The following AGO3 variants were observed in gnomAD, a reference collection of about 807,000 sequenced individuals.
AGO3 encodes argonaute RISC catalytic component 3, also known as protein argonaute-3.
A neutral mutation model predicts 105.5 loss-of-function variants in AGO3; 16 were observed. The observed-to-expected ratio is 0.15, with a 90% CI of 0.10 to 0.23. The LOEUF (loss-of-function observed/expected upper bound fraction) is 0.23, where lower values mean the gene tolerates loss of function less well. AGO3 is among the 10% of genes least tolerant of loss of function. The pLI is 1.00. For missense variants in AGO3, 534 were observed against 1,088.0 expected (o/e 0.49, Z 7.16); for synonymous variants, 340 against 367.3 (o/e 0.93, Z 0.85).
intron 5 of AGO3, among the ~76,000 whole-genome samples, chr1:35,986,122 G>T (rs1159628636): frequency 6.6e-6 from 1 of 152,204 alleles, no homozygotes; most frequent in Admixed American, 6.5e-5. Context: ...CACATTGTTT[G>T]TAGTAGTACC....
rs773487572 is a variant in AGO3, at chr1:35,961,295, C to T, written c.192-5660C>T. ...ATTAAATTTTACTATAAGAGGGTATCGCGGATATTTCATTTTAATCTTAAA... is the reference window on the plus strand; with the variant it reads ...ATTAAATTTTACTATAAGAGGGTATTGCGGATATTTCATTTTAATCTTAAA... On this transcript the variant is annotated intron_variant, in intron 2 of 18. Coordinates refer to ENST00000373191, the MANE Select transcript of AGO3 (RefSeq NM_024852.4). Among the ~76,000 whole-genome samples the T allele has an allele frequency of 2.6e-5, 4 of 152,040 alleles. No individual in the cohort carries two copies. In the South Asian group the frequency reaches 6.2e-4, roughly 24 times the overall value.
Position 35,986,701 on chromosome 1 carries a change from GA to G in AGO3, c.658+13200del, listed in dbSNP as rs950441826. On this transcript the variant is annotated intron_variant, in intron 5 of 18. Transcript: ENST00000373191. ...AGACTCTGCCTCAGAAAAGAAAAAAGAAAAAAAAAATGGGCTGGGCCTAGTG... is the reference window on the plus strand; with the variant it reads ...AGACTCTGCCTCAGAAAAGAAAAAAGAAAAAAAAATGGGCTGGGCCTAGTG... Among the ~76,000 whole-genome samples, 26 of 141,246 alleles carry G rather than the reference GA, an allele frequency of 1.8e-4. 1 individual carries two copies. The highest frequency in any genetic ancestry group is 1.2e-3 in the Admixed American group (17 of 13,966). The allele number at this position is 141,246 out of a possible 152,430, so 92.7% of individuals were successfully genotyped here.
At chr1:35,957,554 C>T (rs1006006043) in intron 2 of AGO3, among the ~76,000 whole-genome samples, 4 of 151,808 alleles carry the variant, frequency 2.6e-5, no homozygotes, top group East Asian at 3.9e-4. Context: ...GGTGAAACCC[C>T]GTCTCTACTA....
At chr1:36,007,176 C>T (rs1029273451) in intron 6 of AGO3, among the ~76,000 whole-genome samples, 1 of 152,124 alleles carries the variant, frequency 6.6e-6, no homozygotes, top group Non-Finnish European at 1.5e-5. Context: ...AGAACCACTG[C>T]AGTATAGGAA....
rs1195179317 is a variant in AGO3, at chr1:36,036,181, T to C, written c.1756T>C (p.Ser586Pro). ...NNILVPHQRPSVFQQPVIFLG... is the reference protein window; with the variant it reads ...NNILVPHQRPPVFQQPVIFLG... ...CTTTTTCAAAATGTGTTTAAGACCT[T>C]CTGTGTTCCAGCAACCAGTGATCTT... Residue 586 changes from serine to proline, a missense_variant, in exon 14 of 19, where the codon TCT becomes CCT. Coordinates refer to ENST00000373191, the MANE Select transcript of AGO3 (RefSeq NM_024852.4). The C allele has an allele frequency of 6.2e-7, 1 of 1,613,946 alleles. No homozygotes were observed. The highest frequency in any genetic ancestry group is 8.5e-7 in the Non-Finnish European group (1 of 1,179,930).
At chr1:35,995,133 A>T (rs560671602) in intron 5 of AGO3, among the ~76,000 whole-genome samples, 2 of 150,782 alleles carry the variant, frequency 1.3e-5, no homozygotes, top group African/African-American at 4.9e-5. Context: ...CCCGGGAAGC[A>T]GAGGTTGCAG....
In AGO3 at chr1:35,996,466, A is replaced by G. The variant is rs1030183671; in HGVS notation, c.659-7875A>G. Among the ~76,000 whole-genome samples, 9 of 152,128 alleles carry G rather than the reference A, an allele frequency of 5.9e-5. No homozygotes were observed. In the Middle Eastern group the frequency reaches 0.01, roughly 172 times the overall value. ...GAAAAAAAGTAGTAGTAAAAATCACATACTTCACAAAAGAATATGTGTGGT... is the reference window on the plus strand; with the variant it reads ...GAAAAAAAGTAGTAGTAAAAATCACGTACTTCACAAAAGAATATGTGTGGT... On this transcript the variant is annotated intron_variant, in intron 5 of 18. Coordinates refer to ENST00000373191, the MANE Select transcript of AGO3 (RefSeq NM_024852.4).
intron 4 of AGO3, among the ~76,000 whole-genome samples, chr1:35,972,679 TTTGG>T (rs1051012776): frequency 2.0e-5 from 3 of 152,000 alleles, no homozygotes; most frequent in East Asian, 3.9e-4. Context: ...TTTTTTATTG[TTTGG>T]TTGGGTTTTT....
rs1405642283 is a variant in AGO3 at position 36,065,317 on chromosome 1, A to T, written c.*9572A>T. 1.3e-5 allele frequency: 2 copies of T among 152,052 alleles called. No individual in the cohort carries two copies. The highest frequency in any genetic ancestry group is 4.1e-4 in the South Asian group (2 of 4,828). 9.4% of individuals were successfully genotyped at this position (152,052 alleles called of 1,614,324 possible). On this transcript the variant is annotated 3_prime_UTR_variant, in exon 19 of 19. Transcript: ENST00000373191. ...AGTTCCTGAAAACCAACATTTTAAAAGTTGCCTCTGGGCTGGGCATGGTGG... is the reference window on the plus strand; with the variant it reads ...AGTTCCTGAAAACCAACATTTTAAATGTTGCCTCTGGGCTGGGCATGGTGG...
In AGO3 at chr1:36,061,292, G is replaced by A. The variant is rs1303268942; in HGVS notation, c.*5547G>A. 3 of 152,036 alleles carry A rather than the reference G, an allele frequency of 2.0e-5. No individual in the cohort carries two copies. Among genetic ancestry groups the A allele is most frequent in the Non-Finnish European group, 4.4e-5 (3 of 68,018 alleles). 9.4% of individuals were successfully genotyped at this position (152,036 alleles called of 1,614,324 possible). A position where few individuals can be genotyped will look rare whatever the true frequency, so the allele number is the denominator to read the frequency against. ...CCTACTTTTAAAATGGTACATTTAA[G>A]TTTATAATTTTCCATGTCAGTCAAC... is the stretch of plus-strand genomic sequence containing the variant. On this transcript the variant is annotated 3_prime_UTR_variant, in exon 19 of 19. Transcript: ENST00000373191.
At chr1:35,990,456 C>G (rs1647525508) in intron 5 of AGO3, among the ~76,000 whole-genome samples, 1 of 152,062 alleles carries the variant, frequency 6.6e-6, no homozygotes, top group African/African-American at 2.4e-5. Flanking sequence ...TGCAGTGAGC[C>G]AAGATTGCAC....
At chr1:35,989,246 C>T (rs945871191) in intron 5 of AGO3, among the ~76,000 whole-genome samples, 1 of 152,184 alleles carries the variant, frequency 6.6e-6, no homozygotes, top group Admixed American at 6.5e-5. Flanking sequence ...GAGCAATTCT[C>T]TCTAATTGTG....
chr1:35,964,858 C>T (rs534466075), intron 2 of AGO3, among the ~76,000 whole-genome samples: 43 of 152,108 alleles, frequency 2.8e-4, no homozygotes, highest in African/African-American at 8.9e-4. Context: ...GGTTTTGATT[C>T]GTATTTCTCT....
intron 12 of AGO3, among the ~76,000 whole-genome samples, chr1:36,032,857 G>T (rs940152550): frequency 1.5e-4 from 23 of 152,264 alleles, no homozygotes; most frequent in African/African-American, 5.3e-4. Flanking sequence ...GGGCGTAGTG[G>T]CTCATGCCTG....
chr1:36,013,599 G>T (rs1316319996), intron 9 of AGO3, 31 bp from the exon 10 acceptor site: 2 of 1,610,548 alleles, frequency 1.2e-6, no homozygotes, highest in Admixed American at 1.7e-5. Flanking sequence ...GGGGAATTTT[G>T]AGAGTAACTA....
At position 36,053,143 on chromosome 1, in the gene AGO3, C is replaced by T. The variant is rs142462387; in HGVS notation, c.2275-1803C>T. ...GCTGTTAAACAGATTTTTTTTATTA[C>T]GGAACTTTTGAAGACCATTGATATG... On this transcript the variant is annotated intron_variant, in intron 17 of 18. Coordinates refer to ENST00000373191, the MANE Select transcript of AGO3 (RefSeq NM_024852.4). 7.3e-5 allele frequency among the ~76,000 whole-genome samples: 11 copies of T among 151,722 alleles called. No individual in the cohort carries two copies. The East Asian group carries it at 9.7e-4, about 13-fold the overall frequency.
chr1:35,943,133 G>A (rs1404522010), intron 1 of AGO3, among the ~76,000 whole-genome samples: 2 of 151,368 alleles, frequency 1.3e-5, no homozygotes, highest in Non-Finnish European at 2.9e-5. Flanking sequence ...CTCCCAAGTA[G>A]CTGGTGGCTA....
At chr1:35,966,354 T>G (rs1646774407) in intron 2 of AGO3, among the ~76,000 whole-genome samples, 1 of 152,210 alleles carries the variant, frequency 6.6e-6, no homozygotes, top group Non-Finnish European at 1.5e-5. Flanking sequence ...CTATATAGTC[T>G]GTAAGTTTTG....
Position 36,071,200 on chromosome 1 carries a change from C to T in AGO3, c.*15455C>T, listed in dbSNP as rs532300484. The T allele has an allele frequency of 2.0e-5, 3 of 151,658 alleles. No individual in the cohort carries two copies. Among genetic ancestry groups the T allele is most frequent in the African/African-American group, 7.3e-5 (3 of 41,262 alleles). The allele number at this position is 151,658 out of a possible 1,614,324, so 9.4% of individuals were successfully genotyped here. A position where few individuals can be genotyped will look rare whatever the true frequency, so the allele number is the denominator to read the frequency against. On this transcript the variant is annotated 3_prime_UTR_variant, in exon 19 of 19. Transcript: ENST00000373191. ...TAGATAATTGCTGCTAAAAACAAAA[C>T]AAAACAAAACAATACAAAACAAAAA...
Sources: gnomAD v4.1 joint callset for allele counts (sites outside exome capture counted in the v4.1 genomes callset) on GRCh38, gnomAD v4.1.1 for gene constraint, MANE v1.5 for transcripts, NCBI Gene and HGNC (gene_info 2026-07-23, HGNC 2026-07-21) for gene names.